The following JAZF1 variants were observed in gnomAD, a reference collection of about 807,000 sequenced individuals.
JAZF1 encodes JAZF zinc finger 1, also known as juxtaposed with another zinc finger protein 1.
JAZF1 carries 8 observed loss-of-function variants against 26.4 expected under a neutral mutation model. That is an observed-to-expected ratio of 0.30 (90% CI 0.18 to 0.55). The LOEUF is 0.55. JAZF1 is among the 20% of genes least tolerant of loss of function. The probability of loss-of-function intolerance (pLI) is 0.94; values close to 1 mark genes in which losing one functional copy is unlikely to be tolerated. For synonymous variants in JAZF1, 126 were observed against 122.3 expected (o/e 1.03, Z -0.20); for missense variants, 199 against 322.0 (o/e 0.62, Z 2.92).
chr7:28,079,782 GT>G (rs1277933005), intron 1 of JAZF1, among the ~76,000 whole-genome samples: 1 of 152,192 alleles, frequency 6.6e-6, no homozygotes, highest in Non-Finnish European at 1.5e-5. Flanking sequence ...CCAATATGCT[GT>G]TAATAACCTT....
rs1210940319 is a variant in JAZF1, at chr7:27,832,179, CAAA to C, written c.*618_*620del. 1.7e-3 allele frequency: 350 copies of C among 211,632 alleles called. No individual in the cohort carries two copies. Among genetic ancestry groups the C allele is most frequent in the African/African-American group, 7.3e-3 (320 of 44,110 alleles). The allele number at this position is 211,632 out of a possible 1,614,324, so 13.1% of individuals were successfully genotyped here. On this transcript the variant is annotated 3_prime_UTR_variant, in exon 5 of 5. Coordinates refer to ENST00000283928, the MANE Select transcript of JAZF1 (RefSeq NM_175061.4). ...GCAAGATTTTCAGCTTTTTAAAGGG[CAAA>C]AGGATTTGCAAGATAATATAAAACA...
chr7:28,058,312 A>G (rs1310925750), intron 1 of JAZF1, among the ~76,000 whole-genome samples: 3 of 152,180 alleles, frequency 2.0e-5, no homozygotes, highest in Non-Finnish European at 4.4e-5. Context: ...CACAGCAAAG[A>G]ACCTGGGGTG....
intron 1 of JAZF1, among the ~76,000 whole-genome samples, chr7:28,077,938 A>G (rs1311793993): frequency 6.6e-6 from 1 of 152,156 alleles, no homozygotes; most frequent in East Asian, 1.9e-4. Context: ...CCCATCTACT[A>G]TTTAAGACCC....
At chr7:28,148,223 A>C (rs911648409) in intron 1 of JAZF1, among the ~76,000 whole-genome samples, 3 of 151,990 alleles carry the variant, frequency 2.0e-5, no homozygotes, top group Non-Finnish European at 2.9e-5. Flanking sequence ...GGCACGCACC[A>C]CTACACCCAG....
intron 2 of JAZF1, among the ~76,000 whole-genome samples, chr7:27,956,099 T>C (rs752717921): frequency 6.6e-6 from 1 of 152,180 alleles, no homozygotes; most frequent in Non-Finnish European, 1.5e-5. Context: ...GATGAAGTAG[T>C]GACAGAGTGT....
intron 1 of JAZF1, among the ~76,000 whole-genome samples, chr7:28,001,262 G>C (rs1786153892): frequency 6.6e-6 from 1 of 152,058 alleles, no homozygotes; most frequent in Non-Finnish European, 1.5e-5. Flanking sequence ...TGAGATATGA[G>C]AATCGTTTGA....
chr7:28,130,415 A>G (rs1436835791), intron 1 of JAZF1, among the ~76,000 whole-genome samples: 2 of 152,246 alleles, frequency 1.3e-5, no homozygotes, highest in Non-Finnish European at 2.9e-5. Context: ...TATATTTCAC[A>G]GAATGCACTC....
At position 28,007,266 on chromosome 7, in the gene JAZF1, G is replaced by A. The variant is rs143012131; in HGVS notation, c.116-15285C>T. 7.2e-5 allele frequency among the ~76,000 whole-genome samples: 11 copies of A among 152,248 alleles called. No homozygotes were observed. The South Asian group carries it at 1.2e-3, about 17-fold the overall frequency. On this transcript the variant is annotated intron_variant, in intron 1 of 4. Transcript: ENST00000283928. Reference sequence around the variant, plus strand: ...GCAGATCACCTGAGGTTAGGAGTTCGAGACCAGTCTGGCCAACATGATGAA... The same window carrying A: ...GCAGATCACCTGAGGTTAGGAGTTCAAGACCAGTCTGGCCAACATGATGAA...
intron 2 of JAZF1, among the ~76,000 whole-genome samples, chr7:27,983,405 A>G (rs980034352): frequency 3.3e-5 from 5 of 152,224 alleles, no homozygotes; most frequent in Admixed American, 2.6e-4. Flanking sequence ...GAGAAAAAAG[A>G]GTAAAAAGAA....
Position 27,948,327 on chromosome 7 carries a change from T to C in JAZF1, c.188+43582A>G, listed in dbSNP as rs540097422. Among the ~76,000 whole-genome samples, 500 of 152,296 alleles carry C rather than the reference T, an allele frequency of 3.3e-3. 1 individual carries two copies. Among genetic ancestry groups the C allele is most frequent in the Non-Finnish European group, 5.3e-3 (363 of 68,022 alleles). ...CAAACACAGCCAAATAAAAACTACA[T>C]GTGGCATTTGGTAAAATTTATACAG... On this transcript the variant is annotated intron_variant, in intron 2 of 4. Transcript: ENST00000283928.
At chr7:27,859,399 A>G (rs1018549085) in intron 3 of JAZF1, among the ~76,000 whole-genome samples, 2 of 152,256 alleles carry the variant, frequency 1.3e-5, no homozygotes, top group African/African-American at 4.8e-5. Flanking sequence ...ATTATAAATC[A>G]TTCTACTATA....
intron 3 of JAZF1, 94 bp downstream of exon 3, chr7:27,895,126 C>T: frequency 1.4e-6 from 1 of 699,848 alleles, no homozygotes; most frequent in South Asian, 2.7e-5. Flanking sequence ...GTGTCGTCAT[C>T]TGTCCCCAGC....
rs562350961 is a variant in JAZF1 at position 27,993,113 on chromosome 7, G to A, written c.116-1132C>T. ...CTGGACAGTAGTATCAGTTTTATTCGTGGTGTTAAAATTAAGAATCTCATG... is the reference window on the plus strand; with the variant it reads ...CTGGACAGTAGTATCAGTTTTATTCATGGTGTTAAAATTAAGAATCTCATG... On this transcript the variant is annotated intron_variant, in intron 1 of 4. Transcript: ENST00000283928. 6.2e-4 allele frequency among the ~76,000 whole-genome samples: 94 copies of A among 152,274 alleles called. 3 individuals are homozygous for A. In the Middle Eastern group the frequency reaches 0.014, roughly 22 times the overall value.
At chr7:27,932,412 A>T (rs896400322) in intron 2 of JAZF1, among the ~76,000 whole-genome samples, 1 of 152,190 alleles carries the variant, frequency 6.6e-6, no homozygotes, top group Non-Finnish European at 1.5e-5. Context: ...GTAATACTTT[A>T]TGAGGACTGT....
At chr7:27,879,855 G>A (rs74452670) in intron 3 of JAZF1, among the ~76,000 whole-genome samples, 8,809 of 152,078 alleles carry the variant, frequency 0.058, 367 homozygotes, top group Middle Eastern at 0.099. Context: ...AAGAACCTGC[G>A]AACACTCTGA....
chr7:28,123,092 G>A (rs1190678130), intron 1 of JAZF1, among the ~76,000 whole-genome samples: 1 of 151,958 alleles, frequency 6.6e-6, no homozygotes, highest in Non-Finnish European at 1.5e-5. Context: ...ACGTCACCCT[G>A]CATGCCCCAC....
chr7:27,923,463 T>C (rs1325155504), intron 2 of JAZF1, among the ~76,000 whole-genome samples: 1 of 152,202 alleles, frequency 6.6e-6, no homozygotes, highest in Non-Finnish European at 1.5e-5. Context: ...TGTCAGACAT[T>C]ATTCTATCAG....
chr7:28,145,853 A>C (rs1783020280), intron 1 of JAZF1, among the ~76,000 whole-genome samples: 1 of 152,146 alleles, frequency 6.6e-6, no homozygotes, highest in Non-Finnish European at 1.5e-5. Flanking sequence ...CTTTTCTAGA[A>C]TTTCATAAAG....
intron 1 of JAZF1, among the ~76,000 whole-genome samples, chr7:28,152,288 C>A (rs1238016161): frequency 6.6e-6 from 1 of 152,176 alleles, no homozygotes; most frequent in East Asian, 1.9e-4. Flanking sequence ...TTGGCTACAT[C>A]TCTTCAACAA....
Sources: allele counts gnomAD v4.1 joint callset (sites outside exome capture counted in the v4.1 genomes callset), GRCh38; gene constraint gnomAD v4.1.1; transcripts MANE v1.5; gene names NCBI Gene and HGNC (gene_info 2026-07-23, HGNC 2026-07-21).